SNUPN: variants seen among roughly 807,000 people sequenced by gnomAD.
SNUPN encodes the protein snurportin-1.
SNUPN carries 31 observed loss-of-function variants against 39.2 expected under a neutral mutation model. The observed-to-expected ratio is 0.79, with a 90% CI of 0.59 to 1.07. SNUPN has a LOEUF of 1.07. SNUPN is among the 50% of genes least tolerant of loss of function. The pLI is 0.00. For synonymous variants in SNUPN, 132 were observed against 159.0 expected, an observed-to-expected ratio of 0.83 and a Z score of 1.28; for missense variants, 382 against 434.2, an observed-to-expected ratio of 0.88 and a Z score of 1.07.
intron 3 of SNUPN, among the ~76,000 whole-genome samples, chr15:75,613,084 C>T (rs768093189): frequency 2.0e-5 from 3 of 151,824 alleles, no homozygotes; most frequent in East Asian, 1.9e-4. Flanking sequence ...AGTGAAACCT[C>T]GTCTCTACTG....
chr15:75,600,564 C>T, intron 8 of SNUPN: 3 of 153,770 alleles, frequency 2.0e-5, no homozygotes, highest in Non-Finnish European at 4.3e-5. Flanking sequence ...CGTGAGCCAC[C>T]ATGCCCAGCC....
At chr15:75,624,619 G>A (rs1487347967) in intron 1 of SNUPN, 7 of 608,816 alleles carry the variant, frequency 1.1e-5, no homozygotes, top group Admixed American at 5.6e-5. Context: ...CTTGCAGTGA[G>A]TCGAGATCGT....
At chr15:75,616,368 G>A (rs972039618) in intron 3 of SNUPN, among the ~76,000 whole-genome samples, 4 of 151,954 alleles carry the variant, frequency 2.6e-5, no homozygotes, top group African/African-American at 9.7e-5. Context: ...TGAAACAGGA[G>A]AACTGCTTGA....
At chr15:75,621,855 G>T (rs1893080537) in intron 1 of SNUPN, among the ~76,000 whole-genome samples, 1 of 150,028 alleles carries the variant, frequency 6.7e-6, no homozygotes, top group Non-Finnish European at 1.5e-5. Flanking sequence ...GACCAACATG[G>T]TGAAACCCCG....
chr15:75,619,414 G>A (rs1187613618), intron 2 of SNUPN, among the ~76,000 whole-genome samples: 2 of 152,080 alleles, frequency 1.3e-5, no homozygotes, highest in African/African-American at 4.8e-5. Context: ...GGTCAAGGTG[G>A]GAGGATCAGT....
rs773485135 is a variant in SNUPN, at chr15:75,598,413, T to C, written c.1028A>G (p.Lys343Arg). The C allele has an allele frequency of 3.7e-6, 6 of 1,614,100 alleles. No individual in the cohort carries two copies. The African/African-American group carries it at 6.7e-5, about 18-fold the overall frequency. The change falls in exon 9 of 9, where the codon AAG becomes AGG. Residue 343 changes from lysine to arginine, a missense_variant. Coordinates refer to ENST00000308588, the MANE Select transcript of SNUPN (RefSeq NM_005701.4). ...HYELEHLSTP[K>R]LKGSSHSPDH... is the part of the protein sequence containing the mutation. ...TGGGCTATGGGAAGAACCCTTCAACTTGGGAGTAGACAGGTGCTCCAATTC... is the reference window on the plus strand; with the variant it reads ...TGGGCTATGGGAAGAACCCTTCAACCTGGGAGTAGACAGGTGCTCCAATTC...
intron 8 of SNUPN, chr15:75,600,913 G>C (rs1420689643): frequency 4.5e-6 from 2 of 447,254 alleles, no homozygotes; most frequent in Admixed American, 7.1e-5. Context: ...GGAGTTGGAC[G>C]AGCTGTCCAT....
At chr15:75,600,871 C>G in intron 8 of SNUPN, 2 of 379,622 alleles carry the variant, frequency 5.3e-6, no homozygotes, top group Non-Finnish European at 9.9e-6. Flanking sequence ...CTCAGTTTCT[C>G]CGGACCTCAG....
At chr15:75,625,302 G>A (rs1893195856) in intron 1 of SNUPN, 1 of 145,856 alleles carries the variant, frequency 6.9e-6, no homozygotes, top group South Asian at 2.2e-4. Context: ...GCGTCCCCTG[G>A]GTCCGCATCC....
At chr15:75,607,429 A>C in intron 5 of SNUPN, 116 bp from the exon 6 acceptor site, 2 of 709,034 alleles carry the variant, frequency 2.8e-6, no homozygotes, top group Non-Finnish European at 5.2e-6. Flanking sequence ...CAGTGCTTGC[A>C]GCAGTCACTG....
intron 3 of SNUPN, among the ~76,000 whole-genome samples, chr15:75,615,782 G>C (rs1301108686): frequency 6.7e-6 from 1 of 150,180 alleles, no homozygotes; most frequent in Admixed American, 6.6e-5. Context: ...TTTTTTTTTT[G>C]TATTTTTAGT....
intron 5 of SNUPN, among the ~76,000 whole-genome samples, chr15:75,607,649 T>G (rs571214060): frequency 6.6e-6 from 1 of 152,332 alleles, no homozygotes; most frequent in South Asian, 2.1e-4. Flanking sequence ...CAACTGCTTT[T>G]TGAGTTCCTA....
chr15:75,617,622 T>C, intron 2 of SNUPN, 70 bp from the exon 3 acceptor site: 2 of 1,510,326 alleles, frequency 1.3e-6, no homozygotes, highest in Non-Finnish European at 1.8e-6. Flanking sequence ...GGTCTCGCTC[T>C]GTTGCCCAGG....
chr15:75,623,371 G>A (rs1001963570), intron 1 of SNUPN, among the ~76,000 whole-genome samples: 9 of 150,734 alleles, frequency 6.0e-5, no homozygotes, highest in Non-Finnish European at 1.2e-4. Flanking sequence ...GGATGGTCTC[G>A]ATCTCCCGAC....
chr15:75,601,565 A>T (rs2075287112), intron 7 of SNUPN, among the ~76,000 whole-genome samples: 1 of 151,940 alleles, frequency 6.6e-6, no homozygotes, highest in Non-Finnish European at 1.5e-5. Context: ...ACAGAGCAAG[A>T]CTCCCTCTCA....
intron 5 of SNUPN, among the ~76,000 whole-genome samples, chr15:75,608,521 C>T (rs150589449): frequency 1.4e-4 from 21 of 152,310 alleles, no homozygotes; most frequent in African/African-American, 4.8e-4. Flanking sequence ...TTCTCCCCCA[C>T]GACCTTAGTC....
At chr15:75,624,779 G>T (rs1567566236) in intron 1 of SNUPN, 20 of 1,158,878 alleles carry the variant, frequency 1.7e-5, no homozygotes, top group South Asian at 1.0e-4. Flanking sequence ...TGTTGTTGTT[G>T]TTTTTTTTTT....
At chr15:75,619,590 C>T (rs748427304) in intron 2 of SNUPN, among the ~76,000 whole-genome samples, 7 of 152,010 alleles carry the variant, frequency 4.6e-5, no homozygotes, top group South Asian at 2.1e-4. Flanking sequence ...TGCAGTGAGC[C>T]GGGATCTGCA....
At chr15:75,613,785 T>C (rs1892860556) in intron 3 of SNUPN, among the ~76,000 whole-genome samples, 1 of 151,962 alleles carries the variant, frequency 6.6e-6, no homozygotes, top group African/African-American at 2.4e-5. Context: ...CAATAACAAG[T>C]GTTGGCAAAG....
Sources: allele counts gnomAD v4.1 joint callset (sites outside exome capture counted in the v4.1 genomes callset), GRCh38; gene constraint gnomAD v4.1.1; transcripts MANE v1.5; gene names NCBI Gene and HGNC (gene_info 2026-07-23, HGNC 2026-07-21).